Variants in SRP54 observed in about 807,000 individuals in gnomAD.
SRP54 encodes signal recognition particle 54, also known as signal recognition particle subunit SRP54.
SRP54 carries 10 observed loss-of-function variants against 64.8 expected under a neutral mutation model. The observed-to-expected ratio is 0.15, with a 90% confidence interval of 0.10 to 0.26. The LOEUF is 0.26. Among genes scored for constraint, SRP54 ranks in the 10% least tolerant of loss-of-function variants. The pLI, the probability that SRP54 is intolerant of heterozygous loss-of-function variation, is 1.00. For missense variants in SRP54, 325 were observed against 613.7 expected (o/e 0.53, Z 4.97); for synonymous variants, 193 against 185.6 (o/e 1.04, Z -0.32).
At chr14:35,026,183 T>C (rs533114267) in intron 14 of SRP54, among the ~76,000 whole-genome samples, 14 of 66,562 alleles carry the variant, frequency 2.1e-4, no homozygotes, top group African/African-American at 6.3e-4. Flanking sequence ...TGTTTTTTTA[T>C]TTATTGTTGT....
chr14:35,022,169 T>C (rs1270398201), intron 13 of SRP54, among the ~76,000 whole-genome samples: 1 of 152,092 alleles, frequency 6.6e-6, no homozygotes, highest in Non-Finnish European at 1.5e-5. Flanking sequence ...GTTCATTTTT[T>C]AAATATACCA....
chr14:35,007,690 TAAAATAGATTTTATTAAAATATATTTAC>T lies in SRP54; in HGVS notation c.360+305_360+332del, dbSNP rs2044285838. Reference sequence around the variant, plus strand: ...TAGATTTTATTAAAATATATTTACATAAAATAGATTTTATTAAAATATATTTACATAAAATAGATTTTATTAAAATATA... The same window carrying T: ...TAGATTTTATTAAAATATATTTACATATAAAATAGATTTTATTAAAATATA... On this transcript the variant is annotated intron_variant, in intron 5 of 15. Transcript: ENST00000216774. Among the ~76,000 whole-genome samples the T allele has an allele frequency of 1.6e-5, 2 of 124,858 alleles. 1 individual carries two copies. Among genetic ancestry groups the T allele is most frequent in the African/African-American group, 5.4e-5 (2 of 37,286 alleles). 81.9% of individuals were successfully genotyped at this position (124,858 alleles called of 152,430 possible).
chr14:35,012,633 A>G (rs187375943), intron 8 of SRP54, among the ~76,000 whole-genome samples: 1 of 152,294 alleles, frequency 6.6e-6, no homozygotes, highest in African/African-American at 2.4e-5. Context: ...AAATCTTTGC[A>G]TATAACCTTT....
intron 4 of SRP54, among the ~76,000 whole-genome samples, chr14:35,002,696 A>C (rs1001604776): frequency 6.7e-6 from 1 of 149,716 alleles, no homozygotes; most frequent in African/African-American, 2.5e-5. Context: ...TAGCCTCCCA[A>C]AGTGCTGGGA....
intron 11 of SRP54, among the ~76,000 whole-genome samples, chr14:35,017,289 T>C (rs554480265): frequency 6.6e-6 from 1 of 152,334 alleles, no homozygotes; most frequent in Admixed American, 6.5e-5. Flanking sequence ...TTTCTATTTC[T>C]AATATTCTAC....
intron 13 of SRP54, among the ~76,000 whole-genome samples, chr14:35,022,083 T>C (rs2044540353): frequency 6.6e-6 from 1 of 152,118 alleles, no homozygotes; most frequent in Non-Finnish European, 1.5e-5. Flanking sequence ...AGAACGTACC[T>C]CTTTCTGCTT....
chr14:35,021,992 C>T (rs1267917876), intron 13 of SRP54, among the ~76,000 whole-genome samples: 1 of 152,148 alleles, frequency 6.6e-6, no homozygotes, highest in African/African-American at 2.4e-5. Context: ...AATTAATTCA[C>T]TATATGCTAC....
intron 3 of SRP54, 132 bp from the exon 4 acceptor site, chr14:35,000,804 G>A: frequency 2.3e-6 from 1 of 430,698 alleles, no homozygotes; most frequent in Non-Finnish European, 4.2e-6. Context: ...GTAATTACAT[G>A]CATGTTAATT....
intron 11 of SRP54, among the ~76,000 whole-genome samples, chr14:35,017,461 T>C (rs1390780553): frequency 1.3e-5 from 2 of 152,234 alleles, no homozygotes; most frequent in African/African-American, 4.8e-5. Context: ...TTATCACTTC[T>C]GTATAAATGG....
chr14:35,021,928 C>A (rs2044537174), intron 13 of SRP54, among the ~76,000 whole-genome samples: 2 of 152,158 alleles, frequency 1.3e-5, no homozygotes, highest in Non-Finnish European at 2.9e-5. Flanking sequence ...TTGCATGCAA[C>A]TGAAGCTAGA....
intron 7 of SRP54, among the ~76,000 whole-genome samples, chr14:35,011,282 G>A (rs1301521578): frequency 6.6e-6 from 1 of 152,170 alleles, no homozygotes; most frequent in East Asian, 1.9e-4. Context: ...ATTCAAAAAA[G>A]ACATGCAGTA....
intron 4 of SRP54, among the ~76,000 whole-genome samples, chr14:35,002,065 C>G (rs2044181994): frequency 6.6e-6 from 1 of 151,604 alleles, no homozygotes; most frequent in African/African-American, 2.4e-5. Context: ...ATAAAAATAG[C>G]TGGTGCAGGC....
chr14:35,024,807 A>G (rs2044595407), intron 14 of SRP54, among the ~76,000 whole-genome samples: 1 of 151,608 alleles, frequency 6.6e-6, no homozygotes, highest in Admixed American at 6.6e-5. Flanking sequence ...GCTCACTGCA[A>G]CCTCCGCCTC....
chr14:35,020,494 G>T (rs2139019597), intron 13 of SRP54, among the ~76,000 whole-genome samples: 1 of 152,302 alleles, frequency 6.6e-6, no homozygotes, highest in Non-Finnish European at 1.5e-5. Context: ...GTCAAACCCT[G>T]CTGCTGCTGC....
At chr14:34,996,999 A>T (rs2044082274) in intron 2 of SRP54, 1 of 397,564 alleles carries the variant, frequency 2.5e-6, no homozygotes, top group African/African-American at 2.1e-5. Flanking sequence ...GAATTTTCCA[A>T]AAAAAAATCG....
chr14:35,016,181 C>A lies in SRP54; in HGVS notation c.973+1351C>A, dbSNP rs1013669161. Among the ~76,000 whole-genome samples, 5 of 152,130 alleles carry A rather than the reference C, an allele frequency of 3.3e-5. No individual in the cohort carries two copies. The South Asian group carries it at 8.3e-4, about 25-fold the overall frequency. On this transcript the variant is annotated intron_variant, in intron 11 of 15. Transcript: ENST00000216774. ...CTAGATCTTCTTATTGTAAGTCTTTCAACAGATCTTCCATCTTCCTGTACT... is the reference window on the plus strand; with the variant it reads ...CTAGATCTTCTTATTGTAAGTCTTTAAACAGATCTTCCATCTTCCTGTACT...
At chr14:34,990,068 G>A (rs751271272) in intron 1 of SRP54, among the ~76,000 whole-genome samples, 3 of 152,088 alleles carry the variant, frequency 2.0e-5, no homozygotes, top group Non-Finnish European at 4.4e-5. Flanking sequence ...GTGATACTTG[G>A]CCCTGTGATT....
At position 35,017,638 on chromosome 14, in the gene SRP54, TTTC is replaced by T. The variant is rs370239485; in HGVS notation, c.974-1052_974-1050del. The stretch of plus-strand genomic sequence containing the variant: ...TCTTTAGGACATAAATAGAAAATAC[TTTC>T]TCTTTTGGCTTGTTCCATCCCTGTT... On this transcript the variant is annotated intron_variant, in intron 11 of 15. Coordinates refer to ENST00000216774, the MANE Select transcript of SRP54 (RefSeq NM_003136.4). Among the ~76,000 whole-genome samples, 399 of 152,360 alleles carry T rather than the reference TTTC, an allele frequency of 2.6e-3. 2 individuals are homozygous for T. The highest frequency in any genetic ancestry group is 9.2e-3 in the African/African-American group (382 of 41,592).
chr14:34,985,769 A>T (rs945988328), intron 1 of SRP54, among the ~76,000 whole-genome samples: 1 of 152,134 alleles, frequency 6.6e-6, no homozygotes, highest in Non-Finnish European at 1.5e-5. Context: ...CTTGTTTTGC[A>T]CTCCAGATTA....
Sources: allele counts gnomAD v4.1 joint callset (sites outside exome capture counted in the v4.1 genomes callset), GRCh38; gene constraint gnomAD v4.1.1; transcripts MANE v1.5; gene names NCBI Gene and HGNC (gene_info 2026-07-23, HGNC 2026-07-21).